Variants in DPP10 observed in about 807,000 individuals in gnomAD.
DPP10 encodes the protein inactive dipeptidyl peptidase 10.
A neutral mutation model predicts 120.9 loss-of-function variants in DPP10; 33 were observed. That is an observed-to-expected ratio of 0.27 (90% confidence interval 0.21 to 0.37). DPP10 has a LOEUF of 0.37. Among genes scored for constraint, DPP10 ranks in the 10% least tolerant of loss-of-function variants. DPP10 has a pLI of 1.00. For synonymous variants in DPP10, 337 were observed against 326.1 expected (o/e 1.03, Z -0.36); for missense variants, 816 against 942.8 (o/e 0.87, Z 1.76).
At chr2:115,756,375 T>G (rs531399380) in intron 11 of DPP10, among the ~76,000 whole-genome samples, 3 of 152,262 alleles carry the variant, frequency 2.0e-5, no homozygotes, top group Non-Finnish European at 2.9e-5. Context: ...TTTGAGGTAG[T>G]GGATATATTA....
At chr2:114,781,995 G>A (rs971945382) in intron 1 of DPP10, among the ~76,000 whole-genome samples, 10 of 151,844 alleles carry the variant, frequency 6.6e-5, no homozygotes, top group African/African-American at 1.7e-4. Context: ...TTTAAATGTC[G>A]TACACAAATG....
At chr2:114,605,182 G>A (rs1427390870) in intron 1 of DPP10, among the ~76,000 whole-genome samples, 1 of 152,072 alleles carries the variant, frequency 6.6e-6, no homozygotes, top group African/African-American at 2.4e-5. Context: ...AGATTAGTCA[G>A]ACTGGTCAAC....
intron 1 of DPP10, among the ~76,000 whole-genome samples, chr2:114,509,776 C>T (rs1449141775): frequency 6.6e-6 from 1 of 152,156 alleles, no homozygotes; most frequent in Non-Finnish European, 1.5e-5. Context: ...TGAATGCTAT[C>T]AGATGCCAAT....
intron 1 of DPP10, among the ~76,000 whole-genome samples, chr2:114,585,421 A>G (rs1219578302): frequency 6.6e-6 from 1 of 152,206 alleles, no homozygotes; most frequent in Non-Finnish European, 1.5e-5. Flanking sequence ...TGATTAGTCC[A>G]GCTCCACCCA....
chr2:115,429,641 G>A (rs2070790018), intron 3 of DPP10, among the ~76,000 whole-genome samples: 1 of 152,134 alleles, frequency 6.6e-6, no homozygotes, highest in African/African-American at 2.4e-5. Flanking sequence ...CATTAACTAA[G>A]TGAATGGCTT....
At chr2:114,830,724 T>C (rs1054282758) in intron 1 of DPP10, among the ~76,000 whole-genome samples, 1 of 152,200 alleles carries the variant, frequency 6.6e-6, no homozygotes, top group African/African-American at 2.4e-5. Context: ...CTGCCATATG[T>C]ATAGAAAAGT....
intron 1 of DPP10, among the ~76,000 whole-genome samples, chr2:114,866,176 A>G (rs963641188): frequency 2.0e-5 from 3 of 151,602 alleles, no homozygotes; most frequent in Non-Finnish European, 4.4e-5. Flanking sequence ...TATTCAAAAC[A>G]GTCATATTTA....
intron 1 of DPP10, among the ~76,000 whole-genome samples, chr2:115,246,705 G>A (rs528969168): frequency 7.9e-5 from 12 of 152,080 alleles, no homozygotes; most frequent in South Asian, 6.2e-4. Context: ...TTGTTGGGGC[G>A]GTAGACAGGA....
rs562714722 is a variant in DPP10, at chr2:115,763,228, G to A, written c.1113+618G>A. Among the ~76,000 whole-genome samples the A allele has an allele frequency of 2.6e-5, 4 of 152,218 alleles. No homozygotes were observed. In the South Asian group the frequency reaches 6.2e-4, roughly 24 times the overall value. ...GAAATAAGATGTGTGGTATGGTTTG[G>A]TTTGGTTTTCTTTTTGTTCTTTAAA... On this transcript the variant is annotated intron_variant, in intron 12 of 25. Coordinates refer to ENST00000410059, the MANE Select transcript of DPP10 (RefSeq NM_020868.6).
chr2:114,560,078 T>C (rs1388002043), intron 1 of DPP10, among the ~76,000 whole-genome samples: 2 of 152,184 alleles, frequency 1.3e-5, no homozygotes, highest in Admixed American at 6.5e-5. Flanking sequence ...AATTCTATCA[T>C]CATGGTTTTT....
chr2:115,657,069 A>AT (rs1325499126), intron 5 of DPP10, among the ~76,000 whole-genome samples: 3 of 151,706 alleles, frequency 2.0e-5, no homozygotes, highest in African/African-American at 7.2e-5. Context: ...TAGATTATAC[A>AT]TTTTCCCATC....
intron 1 of DPP10, among the ~76,000 whole-genome samples, chr2:115,230,114 T>C (rs966448979): frequency 2.0e-5 from 3 of 151,962 alleles, no homozygotes; most frequent in African/African-American, 7.2e-5. Context: ...TGTTTTACAG[T>C]TTTTATTGTA....
chr2:115,284,311 C>A (rs987065187), intron 1 of DPP10, among the ~76,000 whole-genome samples: 1 of 151,958 alleles, frequency 6.6e-6, no homozygotes. Flanking sequence ...ATTTGTTTAA[C>A]CTTGTCATGT....
chr2:115,742,734 C>G (rs1182461367), intron 9 of DPP10, among the ~76,000 whole-genome samples: 1 of 152,026 alleles, frequency 6.6e-6, no homozygotes, highest in Non-Finnish European at 1.5e-5. Context: ...TTTCAATTCA[C>G]TCTTATGTGA....
chr2:114,965,502 T>C (rs1369233253), intron 1 of DPP10, among the ~76,000 whole-genome samples: 2 of 152,146 alleles, frequency 1.3e-5, no homozygotes, highest in Non-Finnish European at 2.9e-5. Flanking sequence ...AGGAGACTTT[T>C]GATATAAATC....
intron 21 of DPP10, among the ~76,000 whole-genome samples, chr2:115,824,199 C>T (rs909717823): frequency 4.6e-5 from 7 of 151,992 alleles, no homozygotes; most frequent in East Asian, 1.9e-4. Flanking sequence ...ATGTTTTTGT[C>T]GTGTGTATAA....
intron 4 of DPP10, among the ~76,000 whole-genome samples, chr2:115,510,320 G>T (rs1186173413): frequency 6.6e-6 from 1 of 152,130 alleles, no homozygotes; most frequent in Non-Finnish European, 1.5e-5. Flanking sequence ...TACATTTTGA[G>T]TGGATTTTTT....
chr2:115,760,511 C>T (rs1679981697), intron 11 of DPP10, among the ~76,000 whole-genome samples: 1 of 152,146 alleles, frequency 6.6e-6, no homozygotes. Context: ...TCACATTATA[C>T]ACTTAAAATC....
intron 5 of DPP10, among the ~76,000 whole-genome samples, chr2:115,557,183 A>G (rs966420067): frequency 6.6e-6 from 1 of 152,042 alleles, no homozygotes; most frequent in Non-Finnish European, 1.5e-5. Flanking sequence ...CTCTGTACAT[A>G]CTGAATTTCT....
Sources: allele counts gnomAD v4.1 joint callset (sites outside exome capture counted in the v4.1 genomes callset), GRCh38; gene constraint gnomAD v4.1.1; transcripts MANE v1.5; gene names NCBI Gene and HGNC (gene_info 2026-07-23, HGNC 2026-07-21).